EXOC6B: variants seen among roughly 807,000 people sequenced by gnomAD.
The protein encoded by EXOC6B is SEC15 homolog B.
In EXOC6B, 54 loss-of-function variants were observed where a neutral mutation model predicts 113.5. The ratio of observed to expected loss-of-function variants is 0.48; its 90% CI spans 0.38 to 0.60. The LOEUF (loss-of-function observed/expected upper bound fraction) is 0.60. EXOC6B is among the 20% of genes least tolerant of loss of function. EXOC6B has a pLI of 0.00. For missense variants in EXOC6B, 797 were observed against 977.5 expected (o/e 0.82, Z 2.46); for synonymous variants, 357 against 339.0 (o/e 1.05, Z -0.58).
At chr2:72,625,146 C>A (rs1239634468) in intron 6 of EXOC6B, among the ~76,000 whole-genome samples, 2 of 151,342 alleles carry the variant, frequency 1.3e-5, no homozygotes, top group African/African-American at 4.9e-5. Flanking sequence ...GGTCTCCTAG[C>A]GTCAGGTAAT....
At chr2:72,431,846 G>A (rs1021084903) in intron 18 of EXOC6B, among the ~76,000 whole-genome samples, 4 of 151,858 alleles carry the variant, frequency 2.6e-5, no homozygotes, top group African/African-American at 9.7e-5. Context: ...CCCTACCTGT[G>A]TCTATGTGTT....
chr2:72,698,555 G>A (rs977957095), intron 6 of EXOC6B, among the ~76,000 whole-genome samples: 2 of 152,084 alleles, frequency 1.3e-5, no homozygotes, highest in African/African-American at 4.8e-5. Flanking sequence ...ATTTTTCATT[G>A]TTATCTTGCC....
At chr2:72,229,260 T>G (rs1001904117) in intron 20 of EXOC6B, among the ~76,000 whole-genome samples, 17 of 151,500 alleles carry the variant, frequency 1.1e-4, no homozygotes, top group Non-Finnish European at 2.5e-4. Context: ...ACACATGGAG[T>G]TCAGGATATA....
At chr2:72,741,739 CT>C (rs1681338509) in intron 1 of EXOC6B, among the ~76,000 whole-genome samples, 2 of 152,124 alleles carry the variant, frequency 1.3e-5, no homozygotes, top group African/African-American at 4.8e-5. Flanking sequence ...TTGTATCTTT[CT>C]TTTTCAATTT....
chr2:72,688,331 G>A (rs1346330028), intron 6 of EXOC6B, among the ~76,000 whole-genome samples: 1 of 152,174 alleles, frequency 6.6e-6, no homozygotes, highest in Non-Finnish European at 1.5e-5. Context: ...GAGACATGAG[G>A]AAGTGAGACA....
chr2:72,420,965 AT>A (rs1172997326), intron 18 of EXOC6B, among the ~76,000 whole-genome samples: 3 of 152,028 alleles, frequency 2.0e-5, no homozygotes, highest in Non-Finnish European at 4.4e-5. Flanking sequence ...TGTGGTTTTG[AT>A]TTGCATTTCT....
At chr2:72,641,517 T>A (rs1553458229) in intron 6 of EXOC6B, among the ~76,000 whole-genome samples, 1 of 152,228 alleles carries the variant, frequency 6.6e-6, no homozygotes, top group Non-Finnish European at 1.5e-5. Flanking sequence ...GGGAGGGGTA[T>A]CCACCATTGC....
chr2:72,573,611 TTCTTAGC>T (rs2103809070), intron 7 of EXOC6B, among the ~76,000 whole-genome samples: 1 of 152,348 alleles, frequency 6.6e-6, no homozygotes, highest in South Asian at 2.1e-4. Context: ...CAAAAGACTT[TTCTTAGC>T]TCTATTAAGA....
intron 20 of EXOC6B, among the ~76,000 whole-genome samples, chr2:72,228,727 C>T (rs1400489213): frequency 2.0e-5 from 3 of 152,104 alleles, no homozygotes; most frequent in East Asian, 1.9e-4. Flanking sequence ...AATAAACATA[C>T]GTGTGTATGT....
intron 18 of EXOC6B, among the ~76,000 whole-genome samples, chr2:72,403,914 C>T (rs558903936): frequency 2.0e-5 from 3 of 152,196 alleles, no homozygotes; most frequent in South Asian, 2.1e-4. Flanking sequence ...GGCAAGGCAT[C>T]GCCTCACCCA....
At position 72,508,492 on chromosome 2, in the gene EXOC6B, C is replaced by T. The variant is rs906743951; in HGVS notation, c.1167+4640G>A. On this transcript the variant is annotated intron_variant, in intron 11 of 21. Transcript: ENST00000272427. ...CATATCTTATAAAAAATTAAGCCGG[C>T]CGGGCATAGTGGTTCATGCCTGTAA... 1.2e-4 allele frequency among the ~76,000 whole-genome samples: 19 copies of T among 152,160 alleles called. 1 individual carries two copies. The highest frequency in any genetic ancestry group is 2.6e-4 in the Admixed American group (4 of 15,268).
Position 72,601,903 on chromosome 2 carries a change from A to G in EXOC6B, c.670-26235T>C, listed in dbSNP as rs554059375. ...CTAAAAATGCATACTGCTAAGTGAAAGGAGCCAGTTTGAAGGCTAGATACT... is the reference window on the plus strand; with the variant it reads ...CTAAAAATGCATACTGCTAAGTGAAGGGAGCCAGTTTGAAGGCTAGATACT... On this transcript the variant is annotated intron_variant, in intron 6 of 21. Coordinates refer to ENST00000272427, the MANE Select transcript of EXOC6B (RefSeq NM_015189.3). 8.5e-4 allele frequency among the ~76,000 whole-genome samples: 130 copies of G among 152,344 alleles called. 1 individual carries two copies. Among genetic ancestry groups the G allele is most frequent in the African/African-American group, 3.1e-3 (130 of 41,590 alleles).
chr2:72,602,140 T>C (rs1670469154), intron 6 of EXOC6B, among the ~76,000 whole-genome samples: 1 of 152,154 alleles, frequency 6.6e-6, no homozygotes, highest in African/African-American at 2.4e-5. Context: ...TTCAGGTAAA[T>C]TTGGAGGATT....
At chr2:72,480,830 A>T in intron 16 of EXOC6B, 80 bp from the exon 17 acceptor site, 2 of 1,383,692 alleles carry the variant, frequency 1.4e-6, no homozygotes, top group East Asian at 4.9e-5. Flanking sequence ...CTGCCGGTAC[A>T]AAACAAATGT....
At chr2:72,769,418 C>T (rs1457271109) in intron 1 of EXOC6B, among the ~76,000 whole-genome samples, 1 of 152,198 alleles carries the variant, frequency 6.6e-6, no homozygotes, top group Admixed American at 6.5e-5. Flanking sequence ...AAAAGTGTTA[C>T]ATATTCCTAG....
At chr2:72,259,911 G>A (rs1683605743) in intron 20 of EXOC6B, among the ~76,000 whole-genome samples, 1 of 152,084 alleles carries the variant, frequency 6.6e-6, no homozygotes, top group Non-Finnish European at 1.5e-5. Flanking sequence ...AATTAGCCAG[G>A]GGTGGTGGTA....
At chr2:72,451,163 T>C (rs1352563584) in intron 18 of EXOC6B, among the ~76,000 whole-genome samples, 1 of 152,170 alleles carries the variant, frequency 6.6e-6, no homozygotes, top group Admixed American at 6.5e-5. Context: ...CAATGAAGAA[T>C]CCTTAGATTT....
chr2:72,249,489 T>C (rs1682874873), intron 20 of EXOC6B, among the ~76,000 whole-genome samples: 2 of 151,400 alleles, frequency 1.3e-5, no homozygotes, highest in African/African-American at 4.9e-5. Context: ...GTCTCTTTTT[T>C]AAAAAGAAAA....
At chr2:72,497,760 G>T (rs1280601106) in intron 13 of EXOC6B, among the ~76,000 whole-genome samples, 2 of 152,102 alleles carry the variant, frequency 1.3e-5, no homozygotes, top group Non-Finnish European at 2.9e-5. Flanking sequence ...CAGGGAAAGG[G>T]GTCTTGCAAT....
Sources: allele counts gnomAD v4.1 joint callset (sites outside exome capture counted in the v4.1 genomes callset), GRCh38; gene constraint gnomAD v4.1.1; transcripts MANE v1.5; gene names NCBI Gene and HGNC (gene_info 2026-07-23, HGNC 2026-07-21).